Variants in TSPAN9 observed in about 807,000 individuals in gnomAD.
TSPAN9 encodes the protein tetraspanin-9.
TSPAN9 carries 16 observed loss-of-function variants against 31.0 expected under a neutral mutation model. The observed-to-expected ratio is 0.52, with a 90% CI of 0.35 to 0.78. TSPAN9 has a LOEUF of 0.78. Ranked by LOEUF, TSPAN9 falls within the 30% of genes least tolerant of loss-of-function variation. TSPAN9 has a pLI of 0.01. For missense variants in TSPAN9, 272 were observed against 312.5 expected (o/e 0.87, Z 0.98); for synonymous variants, 145 against 121.6 (o/e 1.19, Z -1.27).
chr12:3,223,340 G>T (rs2098385520), intron 3 of TSPAN9, among the ~76,000 whole-genome samples: 1 of 152,194 alleles, frequency 6.6e-6, no homozygotes. Flanking sequence ...AGCATGGCCA[G>T]CCCTGGGCAG....
At chr12:3,250,368 A>G (rs1248100108) in intron 3 of TSPAN9, among the ~76,000 whole-genome samples, 2 of 152,194 alleles carry the variant, frequency 1.3e-5, no homozygotes, top group Non-Finnish European at 2.9e-5. Context: ...ACTGTCCTTC[A>G]TGATTTTGCA....
chr12:3,235,324 A>G (rs1423987287), intron 3 of TSPAN9, among the ~76,000 whole-genome samples: 1 of 138,672 alleles, frequency 7.2e-6, no homozygotes, highest in Non-Finnish European at 1.5e-5. Flanking sequence ...GAACGAGAGC[A>G]CAGACCAACA....
intron 2 of TSPAN9, among the ~76,000 whole-genome samples, chr12:3,086,961 C>T (rs1482808956): frequency 2.0e-5 from 3 of 152,162 alleles, no homozygotes; most frequent in East Asian, 3.8e-4. Flanking sequence ...TCTGGTCCCT[C>T]CCCTTGCAAT....
At chr12:3,234,912 G>A (rs1331039739) in intron 3 of TSPAN9, among the ~76,000 whole-genome samples, 2 of 151,732 alleles carry the variant, frequency 1.3e-5, no homozygotes, top group Non-Finnish European at 2.9e-5. Context: ...TGTCATCCCA[G>A]CACTTTGGGA....
chr12:3,185,765 G>A (rs1196674891), intron 2 of TSPAN9, among the ~76,000 whole-genome samples: 1 of 152,240 alleles, frequency 6.6e-6, no homozygotes, highest in African/African-American at 2.4e-5. Context: ...TAACCACTGG[G>A]GTAGAGAGTG....
At chr12:3,109,268 C>CTGTGTGTGTG (rs1226380985) in intron 2 of TSPAN9, among the ~76,000 whole-genome samples, 20,317 of 118,968 alleles carry the variant, frequency 0.17, 1,912 homozygotes, top group East Asian at 0.25. Flanking sequence ...TTCATATAGT[C>CTGTGTGTGTG]TGTGTGTGTG....
rs1565622627 is a variant in TSPAN9 at position 3,226,779 on chromosome 12, TATATATATATATA to T, written c.63+25524_63+25536del. On this transcript the variant is annotated intron_variant, in intron 3 of 8. Transcript: ENST00000011898. ...ATATATATATATATATATATATATA[TATATATATATATA>T]TATTTTTTTTTTTTTTTCCCTCTTC... Among the ~76,000 whole-genome samples the T allele has an allele frequency of 6.9e-4, 6 of 8,734 alleles. 1 individual carries two copies. The highest frequency in any genetic ancestry group is 1.8e-3 in the African/African-American group (4 of 2,282). 5.7% of individuals were successfully genotyped at this position (8,734 alleles called of 152,430 possible).
At chr12:3,087,091 G>A (rs143851000) in intron 2 of TSPAN9, among the ~76,000 whole-genome samples, 1 of 152,328 alleles carries the variant, frequency 6.6e-6, no homozygotes, top group East Asian at 1.9e-4. Context: ...GTGCAGCCAT[G>A]CACATGTGTG....
chr12:3,168,603 T>C lies in TSPAN9; in HGVS notation c.-17-32574T>C, dbSNP rs560426739. On this transcript the variant is annotated intron_variant, in intron 2 of 8. Coordinates refer to ENST00000011898, the MANE Select transcript of TSPAN9 (RefSeq NM_006675.5). This position sits in a 1 kb window ranked among gnomAD's most constrained non-coding sequence, Gnocchi z 4.0. ...CTCTATTTCTATGTGTGAGTCATTG[T>C]CACTTGCTTGTGAAGTGCTGCATCC... 2.6e-5 allele frequency among the ~76,000 whole-genome samples: 4 copies of C among 152,238 alleles called. No homozygotes were observed. Among genetic ancestry groups the C allele is most frequent in the Non-Finnish European group, 5.9e-5 (4 of 68,044 alleles).
intron 2 of TSPAN9, among the ~76,000 whole-genome samples, chr12:3,097,827 G>A (rs1298195455): frequency 1.3e-5 from 2 of 152,218 alleles, no homozygotes; most frequent in African/African-American, 4.8e-5. Context: ...GCTAGGGACA[G>A]CTCTGATCTC....
intron 3 of TSPAN9, among the ~76,000 whole-genome samples, chr12:3,208,867 C>T (rs532645010): frequency 1.3e-5 from 2 of 152,294 alleles, no homozygotes; most frequent in African/African-American, 4.8e-5. Flanking sequence ...TATTGGCATT[C>T]TTAAACACGG....
At chr12:3,159,399 G>A (rs1315649689) in intron 2 of TSPAN9, among the ~76,000 whole-genome samples, 1 of 152,106 alleles carries the variant, frequency 6.6e-6, no homozygotes, top group Non-Finnish European at 1.5e-5. Flanking sequence ...GATATAATTT[G>A]TACACCATCA....
intron 2 of TSPAN9, among the ~76,000 whole-genome samples, chr12:3,118,533 T>C (rs1415659571): frequency 6.6e-6 from 1 of 151,980 alleles, no homozygotes; most frequent in Non-Finnish European, 1.5e-5. Context: ...AGTGTTGGGA[T>C]TACAGGCATG....
chr12:3,130,443 ATT>A (rs1235705737), intron 2 of TSPAN9, among the ~76,000 whole-genome samples: 1 of 152,038 alleles, frequency 6.6e-6, no homozygotes, highest in Non-Finnish European at 1.5e-5. Flanking sequence ...CTTGGGGCTG[ATT>A]TTCTGCTCTG....
intron 2 of TSPAN9, among the ~76,000 whole-genome samples, chr12:3,158,622 T>G (rs1396942713): frequency 2.1e-5 from 3 of 144,554 alleles, no homozygotes; most frequent in Non-Finnish European, 4.5e-5. Flanking sequence ...CTTGGGAGGC[T>G]GAAGCAGGAG....
chr12:3,189,138 C>T, intron 2 of TSPAN9, among the ~76,000 whole-genome samples: 2 of 152,160 alleles, frequency 1.3e-5, no homozygotes, highest in Non-Finnish European at 2.9e-5. Context: ...AGTGCCTCTT[C>T]ATTTTGGGGG....
At chr12:3,250,705 T>C (rs1862231479) in intron 3 of TSPAN9, among the ~76,000 whole-genome samples, 1 of 152,242 alleles carries the variant, frequency 6.6e-6, no homozygotes, top group Admixed American at 6.5e-5. Context: ...CCATCTCAGG[T>C]TGGCTGGCTC....
rs764891020 is a variant in TSPAN9 at position 3,281,887 on chromosome 12, G to C, written c.648+70G>C. On this transcript the variant is annotated intron_variant, in intron 8 of 8. Coordinates refer to ENST00000011898, the MANE Select transcript of TSPAN9 (RefSeq NM_006675.5). ...AGCCTCAGAGGGAAGGAAGCACAGAGAAGTGAAAGCAGTGTTGGTACACGG... is the reference window on the plus strand; with the variant it reads ...AGCCTCAGAGGGAAGGAAGCACAGACAAGTGAAAGCAGTGTTGGTACACGG... The C allele has an allele frequency of 1.2e-5, 18 of 1,541,368 alleles. No homozygotes were observed. In the African/African-American group the frequency reaches 2.2e-4, roughly 19 times the overall value.
At chr12:3,257,968 G>A (rs1306062085) in intron 3 of TSPAN9, among the ~76,000 whole-genome samples, 1 of 152,140 alleles carries the variant, frequency 6.6e-6, no homozygotes, top group Non-Finnish European at 1.5e-5. Flanking sequence ...CATGTTTATG[G>A]GATGACAAAC....
Sources: gnomAD v4.1 joint callset for allele counts (sites outside exome capture counted in the v4.1 genomes callset) on GRCh38, gnomAD v4.1.1 for gene constraint, Gnocchi (gnomAD v3.1) non-coding constraint, MANE v1.5 for transcripts, NCBI Gene and HGNC (gene_info 2026-07-23, HGNC 2026-07-21) for gene names.